The following JAKMIP3 variants were observed in gnomAD, a reference collection of about 807,000 sequenced individuals.
JAKMIP3 encodes the protein janus kinase and microtubule-interacting protein 3.
In JAKMIP3, 58 loss-of-function variants were observed where a neutral mutation model predicts 118.5. The ratio of observed to expected loss-of-function variants is 0.49; its 90% CI spans 0.40 to 0.61. The LOEUF is 0.61. Among genes scored for constraint, JAKMIP3 ranks in the 20% least tolerant of loss-of-function variants. JAKMIP3 has a pLI of 0.00. For synonymous variants in JAKMIP3, 486 were observed against 451.2 expected (o/e 1.08, Z -0.98); for missense variants, 950 against 1,109.0 (o/e 0.86, Z 2.04).
At chr10:132,039,590 G>A (rs866994656) in intron 1 of JAKMIP3, among the ~76,000 whole-genome samples, 5 of 152,168 alleles carry the variant, frequency 3.3e-5, no homozygotes, top group African/African-American at 9.7e-5. Context: ...TGGCTTCCCT[G>A]GCAGAGGTCT....
At position 132,163,415 on chromosome 10, in the gene JAKMIP3, G is replaced by C. The variant is rs2136575514; in HGVS notation, c.2424+3G>C. On this transcript the variant is annotated splice_donor_region_variant and intron_variant, in intron 20 of 23. Coordinates refer to ENST00000684848, the MANE Select transcript of JAKMIP3 (RefSeq NM_001323087.2). ...AGCTGCTGCAGCTGGCTCAGCAGGT[G>C]TGTGGCAGGCGGGGGCAGGGCTGGC... 1 of 1,594,490 alleles carries C rather than the reference G, an allele frequency of 6.3e-7. No individual in the cohort carries two copies. The highest frequency in any genetic ancestry group is 2.2e-5 in the East Asian group (1 of 44,570).
At chr10:132,125,293 A>G (rs1410127585) in intron 3 of JAKMIP3, among the ~76,000 whole-genome samples, 1 of 152,106 alleles carries the variant, frequency 6.6e-6, no homozygotes, top group Non-Finnish European at 1.5e-5. Flanking sequence ...TGCTGTGTGG[A>G]TATCCAACTA....
intron 1 of JAKMIP3, among the ~76,000 whole-genome samples, chr10:132,067,967 C>A (rs1268620048): frequency 2.2e-5 from 3 of 134,006 alleles, no homozygotes; most frequent in Non-Finnish European, 4.7e-5. Flanking sequence ...TCTGTGTGGT[C>A]TGGACTGTGA....
intron 1 of JAKMIP3, among the ~76,000 whole-genome samples, chr10:132,088,456 C>CA (rs2042683745): frequency 6.6e-6 from 1 of 151,972 alleles, no homozygotes; most frequent in African/African-American, 2.4e-5. Context: ...CTCTGATGGC[C>CA]AGTGATGATG....
chr10:132,180,196 C>A (rs2060601207), intron 23 of JAKMIP3, among the ~76,000 whole-genome samples: 2 of 152,194 alleles, frequency 1.3e-5, no homozygotes, highest in Non-Finnish European at 2.9e-5. Flanking sequence ...GCCACCGTTG[C>A]AAGCAGGCAC....
intron 1 of JAKMIP3, among the ~76,000 whole-genome samples, chr10:132,088,138 T>C (rs11527843): frequency 0.35 from 52,841 of 151,204 alleles, 9,568 homozygotes; most frequent in African/African-American, 0.47. Flanking sequence ...TCCAAGTCTT[T>C]GCTATTGTGA....
At chr10:132,105,800 T>C (rs2045807865) in intron 2 of JAKMIP3, among the ~76,000 whole-genome samples, 1 of 150,562 alleles carries the variant, frequency 6.6e-6, no homozygotes, top group African/African-American at 2.5e-5. Context: ...TGGAAGGGCC[T>C]GGGTCACGCG....
intron 1 of JAKMIP3, among the ~76,000 whole-genome samples, chr10:132,082,830 C>T (rs1222902695): frequency 6.6e-6 from 1 of 152,196 alleles, no homozygotes; most frequent in Admixed American, 6.5e-5. Flanking sequence ...AGGATGGTCT[C>T]GATCTCTTGA....
chr10:132,149,207 G>A (rs1198099437), intron 14 of JAKMIP3, among the ~76,000 whole-genome samples: 5 of 152,084 alleles, frequency 3.3e-5, no homozygotes, highest in South Asian at 2.1e-4. Context: ...TGGGGTCAGC[G>A]AATATACAGG....
At chr10:132,169,637 T>TG (rs1357115481) in intron 23 of JAKMIP3, among the ~76,000 whole-genome samples, 1 of 152,040 alleles carries the variant, frequency 6.6e-6, no homozygotes, top group Non-Finnish European at 1.5e-5. Context: ...GGCAGCCCCA[T>TG]GGGGGGCCGC....
chr10:132,130,522 C>T (rs1431349796), intron 3 of JAKMIP3, among the ~76,000 whole-genome samples: 2 of 152,208 alleles, frequency 1.3e-5, no homozygotes, highest in Admixed American at 1.3e-4. Flanking sequence ...GTGTGAGTGA[C>T]GCCTGCCAGA....
intron 12 of JAKMIP3, 146 bp downstream of exon 12, chr10:132,145,336 C>A: frequency 1.1e-6 from 1 of 899,540 alleles, no homozygotes. Flanking sequence ...ACCTCAGCCT[C>A]CTGAGTAGCT....
intron 2 of JAKMIP3, among the ~76,000 whole-genome samples, 186 bp downstream of exon 2, chr10:132,105,129 G>C (rs1018471947): frequency 6.6e-6 from 1 of 152,184 alleles, no homozygotes; most frequent in African/African-American, 2.4e-5. Context: ...TTGAGGGCCT[G>C]TAGGCACAGG....
At chr10:132,177,365 C>A in intron 23 of JAKMIP3, among the ~76,000 whole-genome samples, 1 of 152,352 alleles carries the variant, frequency 6.6e-6, no homozygotes, top group African/African-American at 2.4e-5. Flanking sequence ...AGTGTGCGCA[C>A]GTGTGTGCAC....
chr10:132,042,387 T>C (rs1439521811), intron 1 of JAKMIP3, among the ~76,000 whole-genome samples: 2 of 152,134 alleles, frequency 1.3e-5, no homozygotes, highest in African/African-American at 2.4e-5. Context: ...AATTTTTGTA[T>C]TTTTGTAGAG....
chr10:132,106,399 G>A (rs1306598710), intron 2 of JAKMIP3, among the ~76,000 whole-genome samples: 1 of 150,838 alleles, frequency 6.6e-6, no homozygotes, highest in Non-Finnish European at 1.5e-5. Context: ...TTTACATATT[G>A]TCCTTGGAGT....
chr10:132,048,062 T>A (rs1043766620), intron 1 of JAKMIP3, among the ~76,000 whole-genome samples: 2 of 152,216 alleles, frequency 1.3e-5, no homozygotes, highest in African/African-American at 4.8e-5. Flanking sequence ...TGGGGTTCTC[T>A]CGTGACGGGA....
chr10:132,101,332 CAG>C (rs1260699570), intron 1 of JAKMIP3, among the ~76,000 whole-genome samples: 2 of 152,174 alleles, frequency 1.3e-5, no homozygotes, highest in African/African-American at 2.4e-5. Context: ...GCCTGGGCGA[CAG>C]AGCAAGGACC....
intron 2 of JAKMIP3, among the ~76,000 whole-genome samples, chr10:132,111,620 A>G (rs991951249): frequency 1.3e-5 from 2 of 151,910 alleles, no homozygotes; most frequent in Admixed American, 6.6e-5. Context: ...ACTGATCACT[A>G]TGCTGGAACA....
Sources: gnomAD v4.1 joint callset for allele counts (sites outside exome capture counted in the v4.1 genomes callset) on GRCh38, gnomAD v4.1.1 for gene constraint, MANE v1.5 for transcripts, NCBI Gene and HGNC (gene_info 2026-07-23, HGNC 2026-07-21) for gene names.